Variants in USP34 observed in about 807,000 individuals in gnomAD.
The protein encoded by USP34 is ubiquitin carboxyl-terminal hydrolase 34.
A neutral mutation model predicts 460.3 loss-of-function variants in USP34; 70 were observed. That is an observed-to-expected ratio of 0.15 (90% CI 0.13 to 0.19). USP34 has a LOEUF of 0.19. USP34 is among the 10% of genes least tolerant of loss of function. The pLI is 1.00. For missense variants in USP34, 3,985 were observed against 4,236.2 expected (o/e 0.94, Z 1.65); for synonymous variants, 1,647 against 1,405.3 (o/e 1.17, Z -3.85).
At chr2:61,331,650 T>A (rs1691266768) in intron 19 of USP34, among the ~76,000 whole-genome samples, 1 of 152,058 alleles carries the variant, frequency 6.6e-6, no homozygotes, top group Non-Finnish European at 1.5e-5. Flanking sequence ...AAAAGTAATA[T>A]GATACCCTTT....
At position 61,404,150 on chromosome 2, in the gene USP34, T is replaced by C. The variant is rs144726185; in HGVS notation, c.552+1558A>G. Among the ~76,000 whole-genome samples the C allele has an allele frequency of 1.9e-3, 292 of 152,148 alleles. 1 individual carries two copies. The highest frequency in any genetic ancestry group is 3.0e-3 in the Non-Finnish European group (205 of 68,004). ...GGAAAATATCTGCCCTCAAGCTATG[T>C]TTTCAAATAAGTCTCCATTCGACAT... On this transcript the variant is annotated intron_variant, in intron 3 of 79. Coordinates refer to ENST00000398571, the MANE Select transcript of USP34 (RefSeq NM_014709.4).
At position 61,343,710 on chromosome 2, in the gene USP34, A is replaced by G; in HGVS notation, c.2500+105T>C. On this transcript the variant is annotated intron_variant, in intron 16 of 79. Transcript: ENST00000398571. ...CCATATGTAAGTTATTTTGACAAAA[A>G]CATTTAAGTACCATAACCTTAACTA... The G allele has an allele frequency of 4.1e-6, 5 of 1,218,306 alleles. 1 individual carries two copies. In the South Asian group the frequency reaches 7.6e-5, roughly 18 times the overall value. The allele number at this position is 1,218,306 out of a possible 1,614,324, so 75.5% of individuals were successfully genotyped here.
chr2:61,241,712 T>C (rs1327862029), intron 52 of USP34, 54 bp downstream of exon 52: 3 of 1,512,704 alleles, frequency 2.0e-6, no homozygotes, highest in African/African-American at 2.8e-5. Flanking sequence ...ACTCTAAAAG[T>C]AGACAATGCA....
At chr2:61,392,083 G>A in intron 5 of USP34, among the ~76,000 whole-genome samples, 1 of 152,184 alleles carries the variant, frequency 6.6e-6, no homozygotes, top group East Asian at 1.9e-4. Flanking sequence ...TGAAGAGAAA[G>A]ATAAAACAGA....
intron 74 of USP34, among the ~76,000 whole-genome samples, 179 bp from the exon 75 acceptor site, chr2:61,203,442 A>G (rs1226108970): frequency 6.6e-6 from 1 of 152,152 alleles, no homozygotes; most frequent in Non-Finnish European, 1.5e-5. Context: ...GTTTATTTTC[A>G]GTGTGCAAAT....
chr2:61,401,678 A>G (rs1693724794), intron 3 of USP34, among the ~76,000 whole-genome samples: 2 of 147,920 alleles, frequency 1.4e-5, no homozygotes, highest in South Asian at 4.3e-4. Flanking sequence ...CCTCCAGAGT[A>G]GCTGGGACTA....
intron 1 of USP34, among the ~76,000 whole-genome samples, chr2:61,437,820 A>ATAAATAAAAAAC: frequency 6.6e-6 from 1 of 151,286 alleles, no homozygotes; most frequent in Middle Eastern, 3.4e-3. Flanking sequence ...TAAATAAAAA[A>ATAAATAAAAAAC]CCTGAACAGA....
intron 53 of USP34, 70 bp downstream of exon 53, chr2:61,241,490 C>T: frequency 1.8e-6 from 2 of 1,122,560 alleles, no homozygotes; most frequent in Non-Finnish European, 2.5e-6. Flanking sequence ...CCTGTTCTTA[C>T]ACTACAGTAT....
chr2:61,243,626 C>T (rs10167822), intron 51 of USP34, among the ~76,000 whole-genome samples: 98 of 149,452 alleles, frequency 6.6e-4, no homozygotes, highest in African/African-American at 2.1e-3. Context: ...ATAATCCCAG[C>T]ACTTTGGGAG....
At chr2:61,465,587 A>C (rs756209848) in intron 1 of USP34, among the ~76,000 whole-genome samples, 7 of 152,156 alleles carry the variant, frequency 4.6e-5, no homozygotes, top group Non-Finnish European at 7.4e-5. Context: ...TCATGCCTGT[A>C]ATTCCAGTAC....
intron 59 of USP34, among the ~76,000 whole-genome samples, chr2:61,229,221 A>G (rs1687813922): frequency 6.6e-6 from 1 of 150,886 alleles, no homozygotes; most frequent in South Asian, 2.1e-4. Flanking sequence ...AAATAAAACA[A>G]AAACAGTTTT....
chr2:61,368,158 GC>G (rs781401485), intron 10 of USP34, among the ~76,000 whole-genome samples: 3 of 152,164 alleles, frequency 2.0e-5, no homozygotes, highest in Admixed American at 6.5e-5. Flanking sequence ...GTCAGGCCGG[GC>G]CCATTGGCTC....
At chr2:61,348,958 T>A in intron 13 of USP34, 72 bp from the exon 14 acceptor site, 3 of 1,481,418 alleles carry the variant, frequency 2.0e-6, no homozygotes, top group Non-Finnish European at 2.7e-6. Context: ...GACATTATCA[T>A]TTGATTCCTT....
chr2:61,305,206 C>T (rs1369101217), intron 27 of USP34, among the ~76,000 whole-genome samples: 2 of 152,076 alleles, frequency 1.3e-5, no homozygotes, highest in East Asian at 1.9e-4. Context: ...CGCCTGTAGT[C>T]GCAGCTACTT....
chr2:61,285,518 AG>A (rs1689662821), intron 34 of USP34, among the ~76,000 whole-genome samples: 1 of 151,660 alleles, frequency 6.6e-6, no homozygotes. Flanking sequence ...AGAAAAGAAA[AG>A]AAAAAGAAAA....
chr2:61,425,754 G>C (rs989743082), intron 1 of USP34, among the ~76,000 whole-genome samples: 2 of 152,132 alleles, frequency 1.3e-5, no homozygotes, highest in Admixed American at 6.5e-5. Context: ...GTGGTGGGAA[G>C]GGGGACAGGA....
chr2:61,197,522 G>C (rs188774302), intron 75 of USP34, among the ~76,000 whole-genome samples: 1 of 152,046 alleles, frequency 6.6e-6, no homozygotes, highest in Non-Finnish European at 1.5e-5. Flanking sequence ...AATGTTTTCC[G>C]CAACTTCAGT....
chr2:61,464,926 C>G (rs1268689424), intron 1 of USP34, among the ~76,000 whole-genome samples: 3 of 151,894 alleles, frequency 2.0e-5, no homozygotes, highest in Non-Finnish European at 2.9e-5. Flanking sequence ...ACTACAAAAG[C>G]AGTTATCAGA....
intron 57 of USP34, 136 bp from the exon 58 acceptor site, chr2:61,232,668 T>A (rs76757484): frequency 0.024 from 16,837 of 710,910 alleles, 235 homozygotes; most frequent in African/African-American, 0.034. Flanking sequence ...TCTCTAATTG[T>A]CATAAAAGTC....
Sources: allele counts gnomAD v4.1 joint callset (sites outside exome capture counted in the v4.1 genomes callset), GRCh38; gene constraint gnomAD v4.1.1; transcripts MANE v1.5; gene names NCBI Gene and HGNC (gene_info 2026-07-23, HGNC 2026-07-21).